The following SORCS1 variants were observed in gnomAD, a reference collection of about 807,000 sequenced individuals.
The protein encoded by SORCS1 is sortilin related VPS10 domain containing receptor 1.
SORCS1 carries 60 observed loss-of-function variants against 146.1 expected under a neutral mutation model. That is an observed-to-expected ratio of 0.41 (90% CI 0.33 to 0.51). SORCS1 has a LOEUF of 0.51. Among genes scored for constraint, SORCS1 ranks in the 20% least tolerant of loss-of-function variants. The pLI, the probability that SORCS1 is intolerant of heterozygous loss-of-function variation, is 0.21. For synonymous variants in SORCS1, 637 were observed against 584.0 expected (o/e 1.09, Z -1.31); for missense variants, 1,352 against 1,487.6 (o/e 0.91, Z 1.50).
intron 3 of SORCS1, among the ~76,000 whole-genome samples, chr10:106,781,024 A>C (rs1860853928): frequency 6.6e-6 from 1 of 151,886 alleles, no homozygotes; most frequent in African/African-American, 2.4e-5. Flanking sequence ...CAGTGTCATC[A>C]AAAATTAAAT....
chr10:107,070,237 T>C (rs1962297372), intron 1 of SORCS1, among the ~76,000 whole-genome samples: 2 of 151,752 alleles, frequency 1.3e-5, no homozygotes, highest in African/African-American at 4.9e-5. Context: ...CTAGTACGAA[T>C]AATGCTTCTA....
intron 25 of SORCS1, chr10:106,578,754 C>G (rs1401407431): frequency 8.9e-7 from 1 of 1,119,554 alleles, no homozygotes; most frequent in Non-Finnish European, 1.1e-6. Flanking sequence ...CCAGCCTTAG[C>G]CTCTGAGGCC....
chr10:106,988,151 G>C (rs1343508256), intron 1 of SORCS1, among the ~76,000 whole-genome samples: 1 of 152,290 alleles, frequency 6.6e-6, no homozygotes, highest in Admixed American at 6.5e-5. Context: ...AAAGGCAGAC[G>C]TTGATCGCTA....
At position 107,045,934 on chromosome 10, in the gene SORCS1, G is replaced by A. The variant is rs908853330; in HGVS notation, c.559-89354C>T. Among the ~76,000 whole-genome samples, 59 of 151,768 alleles carry A rather than the reference G, an allele frequency of 3.9e-4. 1 individual carries two copies. Among genetic ancestry groups the A allele is most frequent in the African/African-American group, 1.4e-3 (58 of 41,406 alleles). On this transcript the variant is annotated intron_variant, in intron 1 of 25. Transcript: ENST00000263054. ...CAAGGAGGTGGGACTACAGGTGGAT[G>A]CCACCATGCCTAATTTTTTTTTTTC...
In SORCS1 at chr10:106,597,450, T is replaced by C. The variant is rs1395692416; in HGVS notation, c.3166A>G (p.Ile1056Val). 4 of 1,613,088 alleles carry C rather than the reference T, an allele frequency of 2.5e-6. No homozygotes were observed. Among genetic ancestry groups the C allele is most frequent in the South Asian group, 1.1e-5 (1 of 91,032 alleles). ...AGCGTGTGGATCAGCAATTCTGATATCTGAAAAAAGAAGCATAGTTAGTGA... is the reference window on the plus strand; with the variant it reads ...AGCGTGTGGATCAGCAATTCTGATACCTGAAAAAAGAAGCATAGTTAGTGA... ...NKRSTDDLEQ[I>V]SELLIHTLNQ... Residue 1056 changes from isoleucine (I) to valine (V), a missense_variant and splice_region_variant, in exon 24 of 26, where the codon ATA (isoleucine) becomes GTA (valine). Ile to Val is a conservative substitution (Grantham distance 29, BLOSUM62 3). Around this residue, in one of 3 missense-constraint regions of SORCS1, gnomAD observed 214 missense variants for 204.8 expected, o/e 1.05. Coordinates refer to ENST00000263054, the MANE Select transcript of SORCS1 (RefSeq NM_052918.5).
rs985939550 is a variant in SORCS1 at position 107,129,492 on chromosome 10, G to C, written c.558+34477C>G. Among the ~76,000 whole-genome samples the C allele has an allele frequency of 3.3e-5, 5 of 152,346 alleles. No homozygotes were observed. The East Asian group carries it at 7.7e-4, about 23-fold the overall frequency. ...GTTATCAAAGGCTGCACATGAGCCT[G>C]AACAATAACATAATTGCCTTTGTTC... On this transcript the variant is annotated intron_variant, in intron 1 of 25. Transcript: ENST00000263054.
At chr10:107,136,185 T>C (rs1455805780) in intron 1 of SORCS1, among the ~76,000 whole-genome samples, 1 of 152,254 alleles carries the variant, frequency 6.6e-6, no homozygotes, top group East Asian at 1.9e-4. Flanking sequence ...GAGGCAACAT[T>C]GAGAAATCCA....
chr10:107,037,914 C>T (rs1958973823), intron 1 of SORCS1, among the ~76,000 whole-genome samples: 1 of 152,226 alleles, frequency 6.6e-6, no homozygotes, highest in Non-Finnish European at 1.5e-5. Context: ...GCAGCCTCCG[C>T]CTCCCAGGTT....
intron 2 of SORCS1, among the ~76,000 whole-genome samples, chr10:106,902,535 G>A (rs1036599868): frequency 2.6e-5 from 4 of 151,866 alleles, no homozygotes; most frequent in Non-Finnish European, 2.9e-5. Context: ...AAAAATGCAC[G>A]GCTTATAATT....
rs181217834 is a variant in SORCS1 at position 106,902,322 on chromosome 10, A to G, written c.626+54191T>C. 1.0e-3 allele frequency among the ~76,000 whole-genome samples: 159 copies of G among 152,290 alleles called. 1 individual carries two copies. The highest frequency in any genetic ancestry group is 3.5e-3 in the African/African-American group (146 of 41,562). ...TGCCTTAAGAATACAACTCACACCC[A>G]TATATACTTACATACAACAAAAATT... On this transcript the variant is annotated intron_variant, in intron 2 of 25. Coordinates refer to ENST00000263054, the MANE Select transcript of SORCS1 (RefSeq NM_052918.5).
intron 1 of SORCS1, among the ~76,000 whole-genome samples, chr10:107,114,916 AAT>A (rs368702529): frequency 6.6e-6 from 1 of 152,278 alleles, no homozygotes; most frequent in African/African-American, 2.4e-5. Flanking sequence ...TACAGGAAAT[AAT>A]ATCGACATAC....
At chr10:106,727,365 T>A (rs1346065866) in intron 6 of SORCS1, among the ~76,000 whole-genome samples, 1 of 152,220 alleles carries the variant, frequency 6.6e-6, no homozygotes, top group Non-Finnish European at 1.5e-5. Context: ...TGTTTTGACA[T>A]GGGATCTCAC....
chr10:106,856,622 C>G (rs1398142898), intron 2 of SORCS1, among the ~76,000 whole-genome samples: 2 of 152,162 alleles, frequency 1.3e-5, no homozygotes, highest in East Asian at 3.9e-4. Context: ...GCTGGAAGTA[C>G]GAAGGTAAGT....
chr10:107,007,526 C>G (rs890116648), intron 1 of SORCS1, among the ~76,000 whole-genome samples: 2 of 152,030 alleles, frequency 1.3e-5, no homozygotes, highest in African/African-American at 2.4e-5. Flanking sequence ...GATCCTCCAG[C>G]CCCCGCTGAG....
chr10:106,729,443 CTTT>C (rs34045437), intron 6 of SORCS1, among the ~76,000 whole-genome samples: 3 of 145,178 alleles, frequency 2.1e-5, no homozygotes, highest in Non-Finnish European at 3.0e-5. Flanking sequence ...CTCTCTCTCT[CTTT>C]TTTTTTTTTT....
chr10:106,741,816 C>CT (rs1281704068), intron 5 of SORCS1, among the ~76,000 whole-genome samples: 31 of 152,208 alleles, frequency 2.0e-4, no homozygotes, highest in Admixed American at 1.0e-3. Flanking sequence ...TTGAAGGTGG[C>CT]TTTTTTGCAG....
Position 106,617,649 on chromosome 10 carries a change from G to A in SORCS1, c.2920+500C>T, listed in dbSNP as rs1035709945. The stretch of plus-strand genomic sequence containing the variant: ...GTTCAAATATCCCGTCTATGGCTAT[G>A]TACGACATCTAATTGTTATGACCCT... On this transcript the variant is annotated intron_variant, in intron 21 of 25. Coordinates refer to ENST00000263054, the MANE Select transcript of SORCS1 (RefSeq NM_052918.5). Among the ~76,000 whole-genome samples, 4 of 152,222 alleles carry A rather than the reference G, an allele frequency of 2.6e-5. No homozygotes were observed. The East Asian group carries it at 7.7e-4, about 29-fold the overall frequency.
chr10:106,927,392 T>A (rs949442522), intron 2 of SORCS1, among the ~76,000 whole-genome samples: 2 of 151,960 alleles, frequency 1.3e-5, no homozygotes, highest in East Asian at 3.9e-4. Flanking sequence ...CGTGGTCTCG[T>A]TGGCTTCAGG....
At chr10:106,626,923 A>G (rs972555195) in intron 19 of SORCS1, among the ~76,000 whole-genome samples, 14 of 152,254 alleles carry the variant, frequency 9.2e-5, no homozygotes, top group African/African-American at 3.4e-4. Context: ...ATGAGTCTAC[A>G]AAATTAAAAT....
Sources: gnomAD v4.1 joint callset for allele counts (sites outside exome capture counted in the v4.1 genomes callset) on GRCh38, gnomAD v4.1.1 for gene constraint, gnomAD v4.1.1 regional missense constraint, MANE v1.5 for transcripts, NCBI Gene and HGNC (gene_info 2026-07-23, HGNC 2026-07-21) for gene names.